Variants in NRXN1 observed in about 807,000 individuals in gnomAD.
The protein encoded by NRXN1 is neurexin-1.
Under a neutral mutation model 150.9 loss-of-function variants are expected in NRXN1, and 39 were observed. That is an observed-to-expected ratio of 0.26 (90% CI 0.20 to 0.34). The LOEUF (loss-of-function observed/expected upper bound fraction) is 0.34. Among genes scored for constraint, NRXN1 ranks in the 10% least tolerant of loss-of-function variants. The pLI is 1.00. For missense variants in NRXN1, 1,815 were observed against 1,949.9 expected (o/e 0.93, Z 1.30); for synonymous variants, 924 against 757.0 (o/e 1.22, Z -3.62).
chr2:50,736,867 C>A (rs902615203), intron 5 of NRXN1, among the ~76,000 whole-genome samples: 4 of 152,258 alleles, frequency 2.6e-5, no homozygotes, highest in African/African-American at 9.6e-5. Context: ...CATTACTAGA[C>A]CCTCAAGTCT....
At chr2:50,022,082 C>T (rs1003065444) in intron 21 of NRXN1, among the ~76,000 whole-genome samples, 15 of 151,930 alleles carry the variant, frequency 9.9e-5, no homozygotes, top group African/African-American at 3.6e-4. Flanking sequence ...ATCTCCTGAC[C>T]TCATGATCTG....
At chr2:50,442,951 G>C (rs1306647607) in intron 17 of NRXN1, among the ~76,000 whole-genome samples, 3 of 152,186 alleles carry the variant, frequency 2.0e-5, no homozygotes, top group Non-Finnish European at 4.4e-5. Context: ...TTGACAATGT[G>C]AAGATGATTG....
chr2:50,957,777 C>G (rs1191542380), intron 2 of NRXN1, among the ~76,000 whole-genome samples: 1 of 151,782 alleles, frequency 6.6e-6, no homozygotes, highest in Non-Finnish European at 1.5e-5. Flanking sequence ...TTTTCTGATT[C>G]TTCCCCACAT....
intron 19 of NRXN1, among the ~76,000 whole-genome samples, chr2:50,070,257 A>G (rs1696046383): frequency 6.6e-6 from 1 of 152,216 alleles, no homozygotes; most frequent in South Asian, 2.1e-4. Context: ...TTAGCACTAA[A>G]GAGATTAGAT....
chr2:50,153,089 G>A (rs1015134684), intron 18 of NRXN1, among the ~76,000 whole-genome samples: 1 of 151,510 alleles, frequency 6.6e-6, no homozygotes. Context: ...AAGCTCAGTA[G>A]TTCTTCCTCC....
chr2:50,372,974 C>G (rs527630454), intron 17 of NRXN1, among the ~76,000 whole-genome samples: 4 of 152,084 alleles, frequency 2.6e-5, no homozygotes, highest in African/African-American at 7.2e-5. Context: ...CCAAGAACCC[C>G]TCTTTTTAAT....
At chr2:51,017,252 A>G (rs2105246010) in intron 2 of NRXN1, among the ~76,000 whole-genome samples, 1 of 152,150 alleles carries the variant, frequency 6.6e-6, no homozygotes, top group East Asian at 1.9e-4. Flanking sequence ...TTAAAGTATA[A>G]TTTAAAAAAA....
At chr2:50,798,022 G>A (rs1249028223) in intron 5 of NRXN1, among the ~76,000 whole-genome samples, 1 of 152,084 alleles carries the variant, frequency 6.6e-6, no homozygotes, top group African/African-American at 2.4e-5. Context: ...GGTAGAAATT[G>A]TATGCTAAAA....
chr2:50,007,059 C>T lies in NRXN1; in HGVS notation c.4128+46212G>A, dbSNP rs567309835. Among the ~76,000 whole-genome samples the T allele has an allele frequency of 3.2e-4, 48 of 152,176 alleles. 1 individual carries two copies. Among genetic ancestry groups the T allele is most frequent in the African/African-American group, 1.1e-3 (47 of 41,550 alleles). On this transcript the variant is annotated intron_variant, in intron 21 of 22. Transcript: ENST00000401669. ...GTAAGTTTCTGTGCTATCAAGGGAACAGGCCAGGTACAGTGGCTCACACCT... is the reference window on the plus strand; with the variant it reads ...GTAAGTTTCTGTGCTATCAAGGGAATAGGCCAGGTACAGTGGCTCACACCT...
At chr2:50,178,455 T>C (rs1368782364) in intron 18 of NRXN1, among the ~76,000 whole-genome samples, 2 of 152,202 alleles carry the variant, frequency 1.3e-5, no homozygotes, top group Admixed American at 6.6e-5. Context: ...CTACTTTTTT[T>C]CTACAATACC....
intron 18 of NRXN1, among the ~76,000 whole-genome samples, chr2:50,206,972 T>C (rs1211155298): frequency 1.3e-5 from 2 of 151,696 alleles, no homozygotes; most frequent in African/African-American, 4.8e-5. Flanking sequence ...TAATATCATG[T>C]CATAATATTG....
intron 5 of NRXN1, among the ~76,000 whole-genome samples, chr2:50,734,029 G>A (rs1353863516): frequency 6.6e-6 from 1 of 152,098 alleles, no homozygotes; most frequent in African/African-American, 2.4e-5. Flanking sequence ...GTCTAAACCA[G>A]GGGTGATTTT....
intron 9 of NRXN1, among the ~76,000 whole-genome samples, chr2:50,541,516 G>A (rs2093388200): frequency 6.6e-6 from 1 of 152,154 alleles, no homozygotes; most frequent in African/African-American, 2.4e-5. Flanking sequence ...TGGTGTGTTA[G>A]TGCTTGCTTT....
chr2:50,280,697 C>T (rs2071309253), intron 17 of NRXN1, among the ~76,000 whole-genome samples: 1 of 152,158 alleles, frequency 6.6e-6, no homozygotes, highest in Non-Finnish European at 1.5e-5. Context: ...AGAGAAAATA[C>T]TATGATTCAG....
intron 17 of NRXN1, among the ~76,000 whole-genome samples, chr2:50,321,318 A>T (rs1405992312): frequency 6.6e-6 from 1 of 152,298 alleles, no homozygotes; most frequent in East Asian, 1.9e-4. Flanking sequence ...CCTAAATCTA[A>T]GAAATCATAG....
intron 5 of NRXN1, among the ~76,000 whole-genome samples, chr2:50,880,921 C>T (rs529006139): frequency 6.6e-6 from 1 of 151,962 alleles, no homozygotes; most frequent in East Asian, 2.0e-4. Flanking sequence ...CCCTGGGGAA[C>T]AATTATGACT....
intron 17 of NRXN1, among the ~76,000 whole-genome samples, chr2:50,412,566 T>C (rs1367344302): frequency 1.3e-5 from 2 of 152,066 alleles, no homozygotes; most frequent in Admixed American, 1.3e-4. Context: ...TTTCACTCTT[T>C]ATAAAATTCA....
At chr2:50,981,055 C>T (rs750290400) in intron 2 of NRXN1, among the ~76,000 whole-genome samples, 1 of 152,114 alleles carries the variant, frequency 6.6e-6, no homozygotes, top group Non-Finnish European at 1.5e-5. Flanking sequence ...ACAGATATCT[C>T]TTCTGTGATC....
intron 17 of NRXN1, among the ~76,000 whole-genome samples, chr2:50,426,652 T>A (rs77444659): frequency 0.027 from 4,170 of 152,230 alleles, 199 homozygotes; most frequent in African/African-American, 0.093. Flanking sequence ...TAAAATCATC[T>A]ATTTCATTTT....
Sources: gnomAD v4.1 joint callset for allele counts (sites outside exome capture counted in the v4.1 genomes callset) on GRCh38, gnomAD v4.1.1 for gene constraint, MANE v1.5 for transcripts, NCBI Gene and HGNC (gene_info 2026-07-23, HGNC 2026-07-21) for gene names.